The following TRIM9 variants were observed in gnomAD, a reference collection of about 807,000 sequenced individuals.
TRIM9 encodes the protein tripartite motif containing 9.
A neutral mutation model predicts 78.3 loss-of-function variants in TRIM9; 26 were observed. That is an observed-to-expected ratio of 0.33 (90% CI 0.24 to 0.46). The LOEUF is 0.46. Among genes scored for constraint, TRIM9 ranks in the 20% least tolerant of loss-of-function variants. The pLI is 1.00. For missense variants in TRIM9, 787 were observed against 1,036.4 expected, an observed-to-expected ratio of 0.76 and a Z score of 3.30; for synonymous variants, 398 against 416.5, an observed-to-expected ratio of 0.96 and a Z score of 0.54.
At chr14:51,026,871 T>G (rs144080030) in intron 1 of TRIM9, among the ~76,000 whole-genome samples, 1 of 152,198 alleles carries the variant, frequency 6.6e-6, no homozygotes, top group Non-Finnish European at 1.5e-5. Context: ...ACTTTGTAGT[T>G]GGGTTATTGT....
At chr14:51,028,942 C>T (rs986095101) in intron 1 of TRIM9, among the ~76,000 whole-genome samples, 16 of 152,114 alleles carry the variant, frequency 1.1e-4, no homozygotes, top group African/African-American at 3.9e-4. Flanking sequence ...GCTCCCCTTG[C>T]CTCCCCAGGA....
chr14:51,094,034 G>A lies in TRIM9; in HGVS notation c.822+84C>T, dbSNP rs1250975636. On this transcript the variant is annotated intron_variant, in intron 1 of 12. Coordinates refer to ENST00000684578, the MANE Select transcript of TRIM9 (RefSeq NM_001387360.1). The stretch of plus-strand genomic sequence containing the variant: ...CATTGCGCCCCCACTGGGATGCGCT[G>A]TGCGCAAGAGACGGGGACCGTCTGC... 7.2e-6 allele frequency: 10 copies of A among 1,393,242 alleles called. No individual in the cohort carries two copies. In the East Asian group the frequency reaches 2.1e-4, roughly 29 times the overall value. The allele number at this position is 1,393,242 out of a possible 1,614,324, so 86.3% of individuals were successfully genotyped here.
intron 1 of TRIM9, among the ~76,000 whole-genome samples, chr14:51,079,753 G>C (rs2063131581): frequency 6.6e-6 from 1 of 152,138 alleles, no homozygotes; most frequent in Non-Finnish European, 1.5e-5. Flanking sequence ...AGGTGGACTA[G>C]GTAGAGAGAC....
At chr14:51,026,295 A>G (rs2139812698) in intron 1 of TRIM9, among the ~76,000 whole-genome samples, 1 of 152,208 alleles carries the variant, frequency 6.6e-6, no homozygotes, top group Admixed American at 6.5e-5. Flanking sequence ...ATGGGAGGGG[A>G]AGGAGCTCGG....
Position 51,009,147 on chromosome 14 carries a change from A to G in TRIM9, c.1239T>C (p.Phe413=), listed in dbSNP as rs2056237824. The G allele has an allele frequency of 6.2e-7, 1 of 1,614,010 alleles. No individual in the cohort carries two copies. The highest frequency in any genetic ancestry group is 8.5e-7 in the Non-Finnish European group (1 of 1,179,970). Residue 413 remains phenylalanine (F), a synonymous_variant, in exon 5 of 13, where the codon TTT becomes TTC. Coordinates refer to ENST00000684578, the MANE Select transcript of TRIM9 (RefSeq NM_001387360.1). ...GTLTPRMTTD[F]DLSLDNSPLL... ...GAGGGCTGTTGTCCAGACTCAAGTC[A>G]AAGTCCGTGGTCATCCTTGGAGTGA...
intron 1 of TRIM9, among the ~76,000 whole-genome samples, chr14:51,050,915 T>C (rs1193607451): frequency 1.3e-5 from 2 of 152,176 alleles, no homozygotes; most frequent in African/African-American, 2.4e-5. Context: ...CAGATAACTA[T>C]AGTAGCAACT....
chr14:51,013,226 A>ATTTTTTTT (rs72053355), intron 3 of TRIM9, among the ~76,000 whole-genome samples: 1 of 140,048 alleles, frequency 7.1e-6, no homozygotes, highest in African/African-American at 2.6e-5. Context: ...GTCTAACTTC[A>ATTTTTTTT]TTTTTTTTTT....
chr14:51,082,137 G>A (rs2063354791), intron 1 of TRIM9, among the ~76,000 whole-genome samples: 1 of 152,148 alleles, frequency 6.6e-6, no homozygotes, highest in Non-Finnish European at 1.5e-5. Context: ...AGGGGACCTG[G>A]GGGCCCACCC....
Position 51,047,494 on chromosome 14 carries a change from C to T in TRIM9, c.823-22134G>A, listed in dbSNP as rs58735321. 3.0e-3 allele frequency among the ~76,000 whole-genome samples: 453 copies of T among 152,242 alleles called. 5 individuals carry two copies. The highest frequency in any genetic ancestry group is 0.01 in the African/African-American group (436 of 41,526). ...GAGGACACCATAGGACTGATTTGTT[C>T]CCAGAGATATTATAAAGTTAGAAAC... On this transcript the variant is annotated intron_variant, in intron 1 of 12. Coordinates refer to ENST00000684578, the MANE Select transcript of TRIM9 (RefSeq NM_001387360.1).
chr14:51,013,137 A>G (rs1596171018), intron 3 of TRIM9, among the ~76,000 whole-genome samples: 1 of 152,052 alleles, frequency 6.6e-6, no homozygotes, highest in East Asian at 1.9e-4. Flanking sequence ...GTTCTCTCCC[A>G]GGAGTTTATA....
rs2051991237 is a variant in TRIM9, at chr14:50,982,048, A to G, written c.1914T>C (p.Asn638=). 1 of 1,614,126 alleles carries G rather than the reference A, an allele frequency of 6.2e-7. No homozygotes were observed. Among genetic ancestry groups the G allele is most frequent in the Non-Finnish European group, 8.5e-7 (1 of 1,180,024 alleles). Residue 638 remains asparagine (N), a synonymous_variant, in exon 11 of 13, where the codon AAT becomes AAC. Transcript: ENST00000684578. ...TACTACAGGTCACTGTCAGGTTGTC[A>G]TTGGAGAGGATGATGTCCGAGTGCG... The part of the protein sequence containing the change: ...GSAHSDIILS[N]DNLTVTCSSY...
chr14:51,033,350 C>A (rs959139743), intron 1 of TRIM9, among the ~76,000 whole-genome samples: 1 of 152,232 alleles, frequency 6.6e-6, no homozygotes, highest in African/African-American at 2.4e-5. Context: ...CTCGGCCTCC[C>A]AAAGTGCTGG....
At chr14:50,984,208 T>A (rs940095259) in intron 8 of TRIM9, among the ~76,000 whole-genome samples, 2 of 152,188 alleles carry the variant, frequency 1.3e-5, no homozygotes, top group Non-Finnish European at 2.9e-5. Context: ...ATCTAGAAAA[T>A]GTGGTTTTGA....
intron 8 of TRIM9, among the ~76,000 whole-genome samples, chr14:50,984,469 C>T (rs765596401): frequency 6.6e-6 from 1 of 152,188 alleles, no homozygotes; most frequent in Non-Finnish European, 1.5e-5. Context: ...ATCGTTTCCT[C>T]CCATCTCATG....
At chr14:51,066,678 C>G (rs1204821706) in intron 1 of TRIM9, among the ~76,000 whole-genome samples, 1 of 152,210 alleles carries the variant, frequency 6.6e-6, no homozygotes, top group African/African-American at 2.4e-5. Flanking sequence ...AGAGCACATT[C>G]AAAGCACTCC....
chr14:51,006,801 A>G (rs1399268338), intron 5 of TRIM9, among the ~76,000 whole-genome samples: 2 of 152,094 alleles, frequency 1.3e-5, no homozygotes, highest in East Asian at 3.9e-4. Flanking sequence ...CCCTGAGAAT[A>G]CTTGGTATTC....
intron 3 of TRIM9, among the ~76,000 whole-genome samples, chr14:51,014,316 C>T (rs550768164): frequency 4.6e-5 from 7 of 152,204 alleles, no homozygotes; most frequent in East Asian, 1.9e-4. Context: ...GCCAAAGAGC[C>T]GGGGAGTTTC....
chr14:51,060,456 C>A (rs58608782), intron 1 of TRIM9, among the ~76,000 whole-genome samples: 47,133 of 151,884 alleles, frequency 0.31, 7,649 homozygotes, highest in South Asian at 0.53. Context: ...CTTATTTATT[C>A]TCTTATATTC....
rs115777729 is a variant in TRIM9 at position 51,058,344 on chromosome 14, C to T, written c.823-32984G>A. Among the ~76,000 whole-genome samples, 200 of 152,332 alleles carry T rather than the reference C, an allele frequency of 1.3e-3. 1 individual carries two copies. Among genetic ancestry groups the T allele is most frequent in the African/African-American group, 4.5e-3 (188 of 41,580 alleles). On this transcript the variant is annotated intron_variant, in intron 1 of 12. Transcript: ENST00000684578. ...TACAGAATGGAAAAGGTATTTCTGC[C>T]TTGCCTACTCTAACGACATTCTTGG...
Sources: gnomAD v4.1 joint callset for allele counts (sites outside exome capture counted in the v4.1 genomes callset) on GRCh38, gnomAD v4.1.1 for gene constraint, MANE v1.5 for transcripts, NCBI Gene and HGNC (gene_info 2026-07-23, HGNC 2026-07-21) for gene names.